The following ZNF486 variants were observed in gnomAD, a reference collection of about 807,000 sequenced individuals.
ZNF486 encodes the protein KRAB box only protein 2.
Under a neutral mutation model 12.8 loss-of-function variants are expected in ZNF486, and 12 were observed. The observed-to-expected ratio is 0.94, with a 90% confidence interval of 0.60 to 1.52. The LOEUF (loss-of-function observed/expected upper bound fraction) is 1.52, where lower values mean the gene tolerates loss of function less well. Ranked by LOEUF, ZNF486 falls within the 40% of genes most tolerant of loss-of-function variation. The pLI is 0.00. For synonymous variants in ZNF486, 231 were observed against 184.9 expected (o/e 1.25, Z -2.02); for missense variants, 738 against 545.0 (o/e 1.35, Z -3.53).
At chr19:20,186,647 C>G (rs2089849929) in intron 3 of ZNF486, among the ~76,000 whole-genome samples, 1 of 152,098 alleles carries the variant, frequency 6.6e-6, no homozygotes, top group Middle Eastern at 3.4e-3. Context: ...TATCACGTAA[C>G]TTTTAGAAAT....
chr19:20,167,499 C>T (rs1273482788), intron 1 of ZNF486, 139 bp downstream of exon 1: 6 of 974,290 alleles, frequency 6.2e-6, no homozygotes, highest in Non-Finnish European at 9.2e-6. Flanking sequence ...GCCTCAGTCC[C>T]CTTCAGCCAT....
chr19:20,168,932 C>A (rs1247150576), intron 1 of ZNF486, among the ~76,000 whole-genome samples: 1 of 151,922 alleles, frequency 6.6e-6, no homozygotes, highest in Admixed American at 6.6e-5. Flanking sequence ...CCTCCGCCTC[C>A]GGGGTTCAAG....
At chr19:20,188,256 G>A in intron 3 of ZNF486, 1 of 386,330 alleles carries the variant, frequency 2.6e-6, no homozygotes, top group Non-Finnish European at 4.6e-6. Flanking sequence ...ATTTCCTTTT[G>A]TGAGAGAAAT....
chr19:20,190,077 C>T (rs994319293), intron 3 of ZNF486, among the ~76,000 whole-genome samples: 4 of 152,172 alleles, frequency 2.6e-5, no homozygotes, highest in Admixed American at 2.0e-4. Flanking sequence ...ATTTTGTACT[C>T]ATAGCAACTT....
intron 1 of ZNF486, among the ~76,000 whole-genome samples, chr19:20,177,669 G>T (rs1026831219): frequency 6.6e-6 from 1 of 151,994 alleles, no homozygotes; most frequent in African/African-American, 2.4e-5. Context: ...CCGCCTCCCA[G>T]GTTCAAGTGA....
intron 1 of ZNF486, among the ~76,000 whole-genome samples, chr19:20,175,623 T>C (rs1295835416): frequency 2.0e-5 from 3 of 152,014 alleles, no homozygotes; most frequent in Non-Finnish European, 4.4e-5. Context: ...ACACAGCACA[T>C]GTTTCAGAGA....
intron 1 of ZNF486, among the ~76,000 whole-genome samples, chr19:20,177,870 C>A (rs111479736): frequency 2.0e-5 from 3 of 151,264 alleles, no homozygotes; most frequent in Non-Finnish European, 2.9e-5. Flanking sequence ...GCCACCACAC[C>A]CAGCCAAAAC....
Position 20,197,392 on chromosome 19 carries a change from C to T in ZNF486, c.682C>T (p.His228Tyr). ...CAACCGGTCCTCACACCTTACTACACATAAGATAACTCATACTAGAGAGAA... is the reference window on the plus strand; with the variant it reads ...CAACCGGTCCTCACACCTTACTACATATAAGATAACTCATACTAGAGAGAA... ...AFNRSSHLTT[H>Y]KITHTREKPY... Residue 228 changes from histidine (H) to tyrosine (Y), a missense_variant, in exon 4 of 4, where the codon CAT (histidine) becomes TAT (tyrosine). Coordinates refer to ENST00000335117, the MANE Select transcript of ZNF486 (RefSeq NM_052852.4). The T allele has an allele frequency of 6.2e-7, 1 of 1,613,272 alleles. No individual in the cohort carries two copies. The highest frequency in any genetic ancestry group is 8.5e-7 in the Non-Finnish European group (1 of 1,179,492).
At position 20,197,697 on chromosome 19, in the gene ZNF486, A is replaced by G; in HGVS notation, c.987A>G (p.Lys329=). ...CGTACACGTGTGATAAATGTGGCAA[A>G]GCCTTTATTTCATCCTCGATCCTTA... The part of the protein sequence containing the change: ...EKPYTCDKCG[K]AFISSSILSK... Residue 329 remains lysine, a synonymous_variant, in exon 4 of 4, where the codon AAA becomes AAG. Coordinates refer to ENST00000335117, the MANE Select transcript of ZNF486 (RefSeq NM_052852.4). 6.2e-7 allele frequency: 1 copy of G among 1,613,822 alleles called. No individual in the cohort carries two copies. Among genetic ancestry groups the G allele is most frequent in the Non-Finnish European group, 8.5e-7 (1 of 1,179,848 alleles).
Position 20,198,332 on chromosome 19 carries a change from A to T in ZNF486, c.*230A>T, listed in dbSNP as rs2089982110. On this transcript the variant is annotated 3_prime_UTR_variant, in exon 4 of 4. Coordinates refer to ENST00000335117, the MANE Select transcript of ZNF486 (RefSeq NM_052852.4). ...TGGTCAGGCTGGTCTCAATCTCCTA[A>T]CCTCAGGTGGTCTGCCTGCTTTGGC... 3 of 464,688 alleles carry T rather than the reference A, an allele frequency of 6.5e-6. No individual in the cohort carries two copies. Among genetic ancestry groups the T allele is most frequent in the African/African-American group, 2.0e-5 (1 of 50,820 alleles). 28.8% of individuals were successfully genotyped at this position (464,688 alleles called of 1,614,324 possible).
At chr19:20,186,112 A>G in intron 3 of ZNF486, 30 bp downstream of exon 3, 1 of 1,535,904 alleles carries the variant, frequency 6.5e-7, no homozygotes, top group Non-Finnish European at 8.8e-7. Flanking sequence ...AACACAACAG[A>G]CAATGCAGAT....
At chr19:20,187,190 GTTTGT>G (rs1179137255) in intron 3 of ZNF486, among the ~76,000 whole-genome samples, 51 of 151,814 alleles carry the variant, frequency 3.4e-4, no homozygotes, top group African/African-American at 8.2e-4. Context: ...TATTTTATCA[GTTTGT>G]TTTAAGTGTA....
chr19:20,172,774 G>A (rs2089663637), intron 1 of ZNF486, among the ~76,000 whole-genome samples: 1 of 148,946 alleles, frequency 6.7e-6, no homozygotes, highest in African/African-American at 2.6e-5. Flanking sequence ...TGAGTAGCTG[G>A]GATTACAGAC....
At chr19:20,173,183 T>G (rs1196167607) in intron 1 of ZNF486, among the ~76,000 whole-genome samples, 8 of 152,198 alleles carry the variant, frequency 5.3e-5, no homozygotes, top group African/African-American at 1.9e-4. Flanking sequence ...CTTGCAGGGT[T>G]TCTCATAATT....
rs571612036 is a variant in ZNF486, at chr19:20,190,496, C to G, written c.253+4414C>G. Among the ~76,000 whole-genome samples, 8 of 152,276 alleles carry G rather than the reference C, an allele frequency of 5.3e-5. No individual in the cohort carries two copies. In the East Asian group the frequency reaches 1.4e-3, roughly 26 times the overall value. ...GCCTCCTGGGCTCAAGTGATCCTTT[C>G]ACCTCTGTTTTCTGACCAGCTTGGA... On this transcript the variant is annotated intron_variant, in intron 3 of 3. Transcript: ENST00000335117.
intron 2 of ZNF486, among the ~76,000 whole-genome samples, chr19:20,185,098 C>G (rs1366359963): frequency 1.3e-5 from 2 of 152,080 alleles, no homozygotes; most frequent in African/African-American, 4.8e-5. Flanking sequence ...GCAAGAAGAG[C>G]AAATACCACT....
chr19:20,198,926 T>C lies in ZNF486; in HGVS notation c.*824T>C, dbSNP rs1273841774. 1 of 150,886 alleles carries C rather than the reference T, an allele frequency of 6.6e-6. No individual in the cohort carries two copies. The highest frequency in any genetic ancestry group is 2.5e-5 in the African/African-American group (1 of 39,936). 9.3% of individuals were successfully genotyped at this position (150,886 alleles called of 1,614,324 possible). A position where few individuals can be genotyped will look rare whatever the true frequency, so the allele number is the denominator to read the frequency against. The stretch of plus-strand genomic sequence containing the variant: ...CTTTTCCCAACACCTCCAACTTTTC[T>C]ATGCATAAAAAAAATTATACTACAC... On this transcript the variant is annotated 3_prime_UTR_variant, in exon 4 of 4. Transcript: ENST00000335117.
At chr19:20,187,087 G>GT (rs2089855961) in intron 3 of ZNF486, among the ~76,000 whole-genome samples, 1 of 151,686 alleles carries the variant, frequency 6.6e-6, no homozygotes, top group Non-Finnish European at 1.5e-5. Context: ...CCGGCCCATA[G>GT]TTTTTTTATT....
At chr19:20,173,655 C>T (rs529761789) in intron 1 of ZNF486, among the ~76,000 whole-genome samples, 10 of 151,692 alleles carry the variant, frequency 6.6e-5, no homozygotes, top group Admixed American at 2.0e-4. Flanking sequence ...ATAGTGATAC[C>T]CATCTCTACT....
Sources: gnomAD v4.1 joint callset for allele counts (sites outside exome capture counted in the v4.1 genomes callset) on GRCh38, gnomAD v4.1.1 for gene constraint, MANE v1.5 for transcripts, NCBI Gene and HGNC (gene_info 2026-07-23, HGNC 2026-07-21) for gene names.